The following SHISA6 variants were observed in gnomAD, a reference collection of about 807,000 sequenced individuals.
The protein encoded by SHISA6 is shisa family member 6, also known as protein shisa-6.
In SHISA6, 22 loss-of-function variants were observed where a neutral mutation model predicts 47.9. The observed-to-expected ratio is 0.46, with a 90% CI of 0.33 to 0.66. The LOEUF is 0.66. SHISA6 is among the 30% of genes least tolerant of loss of function. The pLI, the probability that SHISA6 is intolerant of heterozygous loss-of-function variation, is 0.02. For missense variants in SHISA6, 680 were observed against 764.6 expected (o/e 0.89, Z 1.30); for synonymous variants, 388 against 337.8 (o/e 1.15, Z -1.63).
chr17:11,551,788 C>A, intron 3 of SHISA6, 108 bp from the exon 4 acceptor site: 1 of 964,748 alleles, frequency 1.0e-6, no homozygotes, highest in Non-Finnish European at 1.6e-6. Context: ...AGAAGTGCTT[C>A]CTTTAAGTCA....
chr17:11,252,858 A>G (rs529913209), intron 1 of SHISA6, among the ~76,000 whole-genome samples: 1 of 152,306 alleles, frequency 6.6e-6, no homozygotes, highest in South Asian at 2.1e-4. Flanking sequence ...TGTTGGACTC[A>G]TAGTTAGCTG....
At chr17:11,256,342 A>G (rs1030016600) in intron 1 of SHISA6, among the ~76,000 whole-genome samples, 1 of 152,138 alleles carries the variant, frequency 6.6e-6, no homozygotes, top group Admixed American at 6.5e-5. Flanking sequence ...CTAAACATAC[A>G]AAAAGTAGCT....
intron 3 of SHISA6, among the ~76,000 whole-genome samples, chr17:11,510,182 C>T (rs997187401): frequency 2.6e-5 from 4 of 151,952 alleles, no homozygotes; most frequent in African/African-American, 7.3e-5. Flanking sequence ...TCCCGAAGCT[C>T]ACTCCTCTCA....
At chr17:11,482,556 C>T (rs563847641) in intron 3 of SHISA6, among the ~76,000 whole-genome samples, 24 of 152,220 alleles carry the variant, frequency 1.6e-4, no homozygotes, top group African/African-American at 4.8e-4. Context: ...GACGACCCCA[C>T]GATGAATGAA....
intron 2 of SHISA6, among the ~76,000 whole-genome samples, chr17:11,366,467 G>A (rs1054721009): frequency 2.6e-5 from 4 of 152,216 alleles, no homozygotes; most frequent in East Asian, 1.9e-4. Flanking sequence ...GTAATATGAC[G>A]CCTTGGAAGA....
intron 3 of SHISA6, among the ~76,000 whole-genome samples, chr17:11,386,397 A>C (rs1913195900): frequency 6.6e-6 from 1 of 152,176 alleles, no homozygotes. Context: ...AGAAAAAGAA[A>C]AAGTAATAGA....
intron 2 of SHISA6, among the ~76,000 whole-genome samples, chr17:11,323,772 C>A: frequency 6.6e-6 from 1 of 152,032 alleles, no homozygotes; most frequent in East Asian, 1.9e-4. Context: ...TGCAGCACGC[C>A]AATGACCCCT....
intron 3 of SHISA6, among the ~76,000 whole-genome samples, chr17:11,518,693 C>A (rs1051071026): frequency 4.6e-5 from 7 of 152,132 alleles, no homozygotes; most frequent in African/African-American, 9.7e-5. Flanking sequence ...ATGCCCAGAC[C>A]CCATCCAAGA....
chr17:11,510,474 T>C (rs2071532703), intron 3 of SHISA6, among the ~76,000 whole-genome samples: 1 of 152,160 alleles, frequency 6.6e-6, no homozygotes, highest in Non-Finnish European at 1.5e-5. Flanking sequence ...TGCCAAGTGA[T>C]GGGGTTGTCC....
At chr17:11,318,331 G>A (rs1910592170) in intron 2 of SHISA6, among the ~76,000 whole-genome samples, 1 of 152,102 alleles carries the variant, frequency 6.6e-6, no homozygotes, top group South Asian at 2.1e-4. Context: ...TTTTACTTGG[G>A]ATTTACATAT....
At chr17:11,316,419 C>CTCTT (rs1910523496) in intron 2 of SHISA6, among the ~76,000 whole-genome samples, 1 of 56,922 alleles carries the variant, frequency 1.8e-5, no homozygotes, top group African/African-American at 8.9e-5. Flanking sequence ...CTCTCTCTCT[C>CTCTT]TTTTTTTTTT....
rs140137554 is a variant in SHISA6 at position 11,514,859 on chromosome 17, T to C, written c.896-37037T>C. On this transcript the variant is annotated intron_variant, in intron 3 of 5. Transcript: ENST00000441885. Reference sequence around the variant, plus strand: ...AGCAGCAGCCTCAACTAAAAATCCTTGTAGTGGCTTCTTTTCCTCTCTTAT... The same window carrying C: ...AGCAGCAGCCTCAACTAAAAATCCTCGTAGTGGCTTCTTTTCCTCTCTTAT... Among the ~76,000 whole-genome samples, 152 of 152,270 alleles carry C rather than the reference T, an allele frequency of 1.0e-3. 1 individual carries two copies. Among genetic ancestry groups the C allele is most frequent in the African/African-American group, 3.3e-3 (139 of 41,556 alleles).
At chr17:11,253,040 C>A (rs2142138347) in intron 1 of SHISA6, among the ~76,000 whole-genome samples, 1 of 152,314 alleles carries the variant, frequency 6.6e-6, no homozygotes, top group Middle Eastern at 3.4e-3. Context: ...AAGAATATAT[C>A]GGGCTTTTGA....
intron 3 of SHISA6, among the ~76,000 whole-genome samples, chr17:11,512,281 A>C (rs1654106967): frequency 1.3e-5 from 2 of 152,122 alleles, no homozygotes; most frequent in South Asian, 4.1e-4. Context: ...TCCTTTCAGG[A>C]AAATGAAAAC....
chr17:11,249,689 C>T (rs911577970), intron 1 of SHISA6, among the ~76,000 whole-genome samples: 1 of 152,176 alleles, frequency 6.6e-6, no homozygotes, highest in Non-Finnish European at 1.5e-5. Context: ...ATTGAGAGCC[C>T]ATGGCATGTC....
At chr17:11,556,796 C>G (rs904683350) in intron 5 of SHISA6, among the ~76,000 whole-genome samples, 1 of 152,138 alleles carries the variant, frequency 6.6e-6, no homozygotes, top group African/African-American at 2.4e-5. Flanking sequence ...GAAGAGCAGA[C>G]AGAATTCCCA....
chr17:11,286,338 TTGCTATTCTC>T (rs1167460210), intron 2 of SHISA6, among the ~76,000 whole-genome samples: 1 of 152,180 alleles, frequency 6.6e-6, no homozygotes, highest in Non-Finnish European at 1.5e-5. Flanking sequence ...GCTTTTGTTT[TTGCTATTCTC>T]TGCCCTAGGA....
chr17:11,428,480 G>A (rs921530303), intron 3 of SHISA6, among the ~76,000 whole-genome samples: 8 of 152,220 alleles, frequency 5.3e-5, no homozygotes, highest in African/African-American at 1.9e-4. Context: ...ACTGGGTGGT[G>A]ATAGCAAGGT....
At chr17:11,544,728 A>C (rs961112257) in intron 3 of SHISA6, among the ~76,000 whole-genome samples, 13 of 152,162 alleles carry the variant, frequency 8.5e-5, no homozygotes, top group Admixed American at 1.3e-4. Flanking sequence ...TGGGAGGCCA[A>C]GGCGGGTGGA....
Sources: gnomAD v4.1 joint callset for allele counts (sites outside exome capture counted in the v4.1 genomes callset) on GRCh38, gnomAD v4.1.1 for gene constraint, MANE v1.5 for transcripts, NCBI Gene and HGNC (gene_info 2026-07-23, HGNC 2026-07-21) for gene names.